IPP: variants seen among roughly 807,000 people sequenced by gnomAD.
IPP encodes intracisternal A particle-promoted polypeptide, also known as actin-binding protein IPP.
In IPP, 41 loss-of-function variants were observed where a neutral mutation model predicts 64.1. The observed-to-expected ratio is 0.64, with a 90% CI of 0.50 to 0.83. The LOEUF (loss-of-function observed/expected upper bound fraction) is 0.83, where lower values mean the gene tolerates loss of function less well. IPP is among the 40% of genes least tolerant of loss of function. The pLI is 0.00. For synonymous variants in IPP, 214 were observed against 235.2 expected, an observed-to-expected ratio of 0.91 and a Z score of 0.83; for missense variants, 649 against 703.0, an observed-to-expected ratio of 0.92 and a Z score of 0.87.
chr1:45,715,089 G>A (rs1645639457), intron 7 of IPP, among the ~76,000 whole-genome samples: 1 of 151,292 alleles, frequency 6.6e-6, no homozygotes, highest in Non-Finnish European at 1.5e-5. Context: ...CAGCTACTTA[G>A]GAGACTGAGG....
chr1:45,732,726 G>T (rs1233659583), intron 3 of IPP, among the ~76,000 whole-genome samples: 1 of 152,056 alleles, frequency 6.6e-6, no homozygotes, highest in Non-Finnish European at 1.5e-5. Context: ...GAGTGCAGTG[G>T]TGCGATCTCA....
rs529231596 is a variant in IPP at position 45,747,846 on chromosome 1, A to C, written c.-50-1385T>G. Among the ~76,000 whole-genome samples, 6 of 145,184 alleles carry C rather than the reference A, an allele frequency of 4.1e-5. No homozygotes were observed. In the South Asian group the frequency reaches 6.6e-4, roughly 16 times the overall value. On this transcript the variant is annotated intron_variant, in intron 1 of 8. Coordinates refer to ENST00000396478, the MANE Select transcript of IPP (RefSeq NM_005897.3). Reference sequence around the variant, plus strand: ...CAAGACTCTGTCTCAAAAAAAAAAAAAAAAAAAAAAAAAAAAAAAAACCAT... The same window carrying C: ...CAAGACTCTGTCTCAAAAAAAAAAACAAAAAAAAAAAAAAAAAAAAACCAT...
intron 3 of IPP, among the ~76,000 whole-genome samples, chr1:45,733,458 TAAGC>T (rs889609145): frequency 1.4e-5 from 2 of 140,740 alleles, no homozygotes; most frequent in African/African-American, 2.7e-5. Context: ...AATAAATAAA[TAAGC>T]AAGTCATTAA....
Position 45,699,621 on chromosome 1 carries a change from A to C in IPP, c.*345T>G. The C allele has an allele frequency of 1.9e-6, 2 of 1,033,100 alleles. No homozygotes were observed. The highest frequency in any genetic ancestry group is 2.3e-6 in the Non-Finnish European group (2 of 857,372). The allele number at this position is 1,033,100 out of a possible 1,614,324, so 64.0% of individuals were successfully genotyped here. Reference sequence around the variant, plus strand: ...CTCTTTATTAATTGGGATATATTCCATATCCATTCTCACTCATATTTTTAG... The same window carrying C: ...CTCTTTATTAATTGGGATATATTCCCTATCCATTCTCACTCATATTTTTAG... On this transcript the variant is annotated 3_prime_UTR_variant, in exon 9 of 9. Transcript: ENST00000396478.
At chr1:45,718,199 A>G (rs1025093867) in intron 6 of IPP, among the ~76,000 whole-genome samples, 1 of 152,202 alleles carries the variant, frequency 6.6e-6, no homozygotes, top group Non-Finnish European at 1.5e-5. Flanking sequence ...CTTATATTAG[A>G]CATAATTAGG....
intron 8 of IPP, among the ~76,000 whole-genome samples, chr1:45,702,321 AACT>A (rs1320410154): frequency 6.6e-6 from 1 of 152,178 alleles, no homozygotes; most frequent in East Asian, 1.9e-4. Flanking sequence ...AAAAAAAAAA[AACT>A]CTGTAAGAAC....
chr1:45,725,959 C>G (rs1438962412), intron 5 of IPP, among the ~76,000 whole-genome samples: 1 of 92,874 alleles, frequency 1.1e-5, no homozygotes, highest in Non-Finnish European at 2.7e-5. Flanking sequence ...TGCGGAAGGC[C>G]GCAGGGTCCT....
Position 45,727,664 on chromosome 1 carries a change from T to C in IPP, c.1015A>G (p.Thr339Ala). The C allele has an allele frequency of 6.3e-7, 1 of 1,590,230 alleles. No homozygotes were observed. Among genetic ancestry groups the C allele is most frequent in the Non-Finnish European group, 8.6e-7 (1 of 1,162,410 alleles). ...LHQARSGLGV[T>A]VLGGMVYAIG... ...GCGTAGACCATCCCTCCCAGAACTGTTACTCCCAGCCCACTTCGAGCCTGA... is the reference window on the plus strand; with the variant it reads ...GCGTAGACCATCCCTCCCAGAACTGCTACTCCCAGCCCACTTCGAGCCTGA... Residue 339 changes from threonine (T) to alanine (A), a missense_variant, in exon 5 of 9, where the codon ACA becomes GCA. Coordinates refer to ENST00000396478, the MANE Select transcript of IPP (RefSeq NM_005897.3).
intron 8 of IPP, among the ~76,000 whole-genome samples, chr1:45,706,464 TC>T (rs769000759): frequency 1.5e-4 from 23 of 152,136 alleles, no homozygotes; most frequent in African/African-American, 2.4e-4. Context: ...ATTTTTTTTT[TC>T]CAAGATGGAG....
chr1:45,731,588 T>C (rs959700606), intron 3 of IPP, among the ~76,000 whole-genome samples: 11 of 152,178 alleles, frequency 7.2e-5, no homozygotes, highest in Non-Finnish European at 1.6e-4. Context: ...AGAGTTGACA[T>C]GAACAACAGT....
intron 8 of IPP, among the ~76,000 whole-genome samples, chr1:45,701,459 T>C (rs1458607328): frequency 6.6e-5 from 10 of 152,200 alleles, no homozygotes; most frequent in Admixed American, 6.5e-4. Flanking sequence ...GGCTAATTTT[T>C]AGTATTTTTG....
intron 4 of IPP, among the ~76,000 whole-genome samples, chr1:45,729,399 A>G (rs1645875812): frequency 6.6e-6 from 1 of 152,236 alleles, no homozygotes; most frequent in South Asian, 2.1e-4. Context: ...AGATCACAGA[A>G]TAACAGATAT....
chr1:45,709,223 G>A (rs1026606528), intron 8 of IPP, among the ~76,000 whole-genome samples: 5 of 151,198 alleles, frequency 3.3e-5, no homozygotes, highest in African/African-American at 1.2e-4. Context: ...CACGAGGTCA[G>A]GAGCTCGAGA....
chr1:45,707,543 T>C (rs1402993575), intron 8 of IPP, among the ~76,000 whole-genome samples: 8 of 151,666 alleles, frequency 5.3e-5, no homozygotes, highest in Non-Finnish European at 1.0e-4. Flanking sequence ...ACAGATCTTC[T>C]AGAGCTAAAA....
downstream of IPP, among the ~76,000 whole-genome samples, chr1:45,695,441 G>A (rs569303524): frequency 1.1e-4 from 17 of 152,196 alleles, no homozygotes; most frequent in Admixed American, 5.2e-4. Flanking sequence ...GATTGCAGGC[G>A]TGAGCCACTG....
chr1:45,744,560 G>C (rs1403656071), intron 2 of IPP, among the ~76,000 whole-genome samples: 1 of 151,986 alleles, frequency 6.6e-6, no homozygotes, highest in Non-Finnish European at 1.5e-5. Flanking sequence ...TTTTTTTTTG[G>C]CTAGGCGTAG....
chr1:45,732,287 G>A (rs1279245307), intron 3 of IPP, among the ~76,000 whole-genome samples: 3 of 151,088 alleles, frequency 2.0e-5, no homozygotes, highest in Admixed American at 6.6e-5. Flanking sequence ...GCTTGAACCC[G>A]GGACGGGGAG....
rs1553189235 is a variant in IPP, at chr1:45,712,297, C to CT, written c.1530+1948dup. On this transcript the variant is annotated intron_variant, in intron 8 of 8. Transcript: ENST00000396478. Reference sequence around the variant, plus strand: ...GCCTGGTGACTGAGCAAGACGACGTCTAAAAAAAAAAAAAAAAGCAACCAA... The same window carrying CT: ...GCCTGGTGACTGAGCAAGACGACGTCTTAAAAAAAAAAAAAAAAGCAACCAA... 9.5e-4 allele frequency among the ~76,000 whole-genome samples: 56 copies of CT among 58,856 alleles called. No individual in the cohort carries two copies. In the East Asian group the frequency reaches 0.018, roughly 18 times the overall value. The allele number at this position is 58,856 out of a possible 152,430, so 38.6% of individuals were successfully genotyped here.
intron 2 of IPP, among the ~76,000 whole-genome samples, chr1:45,744,969 T>C (rs1406182462): frequency 6.6e-6 from 1 of 152,094 alleles, no homozygotes; most frequent in Non-Finnish European, 1.5e-5. Context: ...GGTGAGATGG[T>C]AGCACTACTT....
Sources: gnomAD v4.1 joint callset for allele counts (sites outside exome capture counted in the v4.1 genomes callset) on GRCh38, gnomAD v4.1.1 for gene constraint, MANE v1.5 for transcripts, NCBI Gene and HGNC (gene_info 2026-07-23, HGNC 2026-07-21) for gene names.